Variants in ARL15 observed in about 807,000 individuals in gnomAD.
ARL15 encodes the protein ARF like GTPase 15.
Under a neutral mutation model 25.2 loss-of-function variants are expected in ARL15, and 19 were observed. The observed-to-expected ratio is 0.75, with a 90% CI of 0.53 to 1.10. The LOEUF is 1.10. Among genes scored for constraint, ARL15 ranks in the 50% least tolerant of loss-of-function variants. ARL15 has a pLI of 0.00. For missense variants in ARL15, 220 were observed against 246.0 expected, an observed-to-expected ratio of 0.89 and a Z score of 0.71; for synonymous variants, 94 against 86.8, an observed-to-expected ratio of 1.08 and a Z score of -0.46.
At chr5:54,068,323 C>T (rs900943189) in intron 4 of ARL15, among the ~76,000 whole-genome samples, 1 of 152,100 alleles carries the variant, frequency 6.6e-6, no homozygotes, top group African/African-American at 2.4e-5. Context: ...GCACCAGCAC[C>T]AAGGAACAGA....
At chr5:53,909,005 T>G (rs1471309345) in intron 4 of ARL15, among the ~76,000 whole-genome samples, 1 of 152,164 alleles carries the variant, frequency 6.6e-6, no homozygotes, top group South Asian at 2.1e-4. Flanking sequence ...AAAAGTTCCA[T>G]TCATAGGTGG....
intron 1 of ARL15, among the ~76,000 whole-genome samples, chr5:54,220,857 G>A (rs572845056): frequency 7.3e-4 from 111 of 152,094 alleles, no homozygotes; most frequent in African/African-American, 2.6e-3. Context: ...GGTGAGATCC[G>A]CAGTGCCGAC....
intron 4 of ARL15, among the ~76,000 whole-genome samples, chr5:53,986,542 A>G (rs535548829): frequency 6.6e-6 from 1 of 152,292 alleles, no homozygotes; most frequent in Admixed American, 6.5e-5. Context: ...AGGAATCTGC[A>G]TTTTATCAAA....
At position 53,910,633 on chromosome 5, in the gene ARL15, TTA is replaced by T. The variant is rs70986649; in HGVS notation, c.463-23922_463-23921del. 8.1e-3 allele frequency among the ~76,000 whole-genome samples: 448 copies of T among 54,986 alleles called. 12 individuals are homozygous for T. In the East Asian group the frequency reaches 0.12, roughly 14 times the overall value. The allele number at this position is 54,986 out of a possible 152,430, so 36.1% of individuals were successfully genotyped here. A position where few individuals can be genotyped will look rare whatever the true frequency, so the allele number is the denominator to read the frequency against. ...GAACTTAAAGTATAATAAAAAAAAA[TTA>T]TATATATATATATATATATATATAT... On this transcript the variant is annotated intron_variant, in intron 4 of 4. Transcript: ENST00000504924.
intron 4 of ARL15, among the ~76,000 whole-genome samples, chr5:53,927,142 T>C (rs1489684565): frequency 6.6e-6 from 1 of 152,178 alleles, no homozygotes; most frequent in Admixed American, 6.5e-5. Context: ...TAATCGTTAA[T>C]TTTCTAACTT....
chr5:54,062,676 T>C (rs1751106434), intron 4 of ARL15, among the ~76,000 whole-genome samples: 1 of 152,192 alleles, frequency 6.6e-6, no homozygotes, highest in South Asian at 2.1e-4. Context: ...TTCTTTCTTT[T>C]ATAAATTGCC....
At chr5:53,990,905 T>C (rs1040733877) in intron 4 of ARL15, among the ~76,000 whole-genome samples, 4 of 152,210 alleles carry the variant, frequency 2.6e-5, no homozygotes, top group African/African-American at 9.6e-5. Flanking sequence ...TATGTGCTAA[T>C]TATGTGCTTG....
chr5:54,175,727 A>T (rs959623461), intron 1 of ARL15, among the ~76,000 whole-genome samples: 1 of 149,256 alleles, frequency 6.7e-6, no homozygotes, highest in Non-Finnish European at 1.5e-5. Context: ...ATCTCCACTC[A>T]CTGCAACCTC....
intron 1 of ARL15, among the ~76,000 whole-genome samples, chr5:54,198,810 T>A (rs1217439372): frequency 6.6e-6 from 1 of 151,410 alleles, no homozygotes; most frequent in Non-Finnish European, 1.5e-5. Context: ...AAAGTTCATA[T>A]GGAACCAAAA....
intron 3 of ARL15, among the ~76,000 whole-genome samples, chr5:54,134,710 G>A (rs1240588725): frequency 8.1e-5 from 12 of 148,918 alleles, no homozygotes; most frequent in Non-Finnish European, 1.3e-4. Context: ...TCAGCCTCCA[G>A]AGTAGCTGGG....
At chr5:54,217,961 T>C (rs1239483047) in intron 1 of ARL15, among the ~76,000 whole-genome samples, 1 of 152,210 alleles carries the variant, frequency 6.6e-6, no homozygotes, top group Non-Finnish European at 1.5e-5. Context: ...CAAACATTGC[T>C]TAATGTAACT....
At chr5:54,269,085 G>T (rs1254269247) in intron 1 of ARL15, among the ~76,000 whole-genome samples, 5 of 151,990 alleles carry the variant, frequency 3.3e-5, no homozygotes, top group African/African-American at 1.2e-4. Context: ...GTAGGGGTGG[G>T]GGGTAGGGAT....
At chr5:54,123,373 T>C (rs1046757037) in intron 3 of ARL15, among the ~76,000 whole-genome samples, 8 of 152,150 alleles carry the variant, frequency 5.3e-5, no homozygotes, top group African/African-American at 1.9e-4. Context: ...CCTCCCAAAG[T>C]GCTGGGATTA....
chr5:54,084,023 G>A (rs1282296567), intron 4 of ARL15, among the ~76,000 whole-genome samples: 1 of 152,130 alleles, frequency 6.6e-6, no homozygotes. Context: ...CATAGCCAGG[G>A]TGCCATGGGA....
chr5:54,206,432 T>A (rs1241135156), intron 1 of ARL15, among the ~76,000 whole-genome samples: 1 of 152,150 alleles, frequency 6.6e-6, no homozygotes, highest in Admixed American at 6.6e-5. Context: ...TTAAATACTG[T>A]CAATGAGAAG....
intron 4 of ARL15, among the ~76,000 whole-genome samples, chr5:54,034,078 G>A (rs2111910965): frequency 6.6e-6 from 1 of 152,326 alleles, no homozygotes; most frequent in South Asian, 2.1e-4. Context: ...CTCCCAAAGT[G>A]CTGGGATTAC....
intron 1 of ARL15, among the ~76,000 whole-genome samples, chr5:54,283,198 T>C (rs1758101406): frequency 6.6e-6 from 1 of 152,216 alleles, no homozygotes; most frequent in Non-Finnish European, 1.5e-5. Context: ...CTTCCAGAGA[T>C]GCAGTCCTTG....
At chr5:54,029,915 T>G (rs1332313901) in intron 4 of ARL15, among the ~76,000 whole-genome samples, 1 of 151,864 alleles carries the variant, frequency 6.6e-6, no homozygotes, top group Non-Finnish European at 1.5e-5. Flanking sequence ...GAGAATTACG[T>G]GAACCTGGGA....
intron 4 of ARL15, among the ~76,000 whole-genome samples, chr5:54,056,236 G>A: frequency 6.6e-6 from 1 of 152,070 alleles, no homozygotes; most frequent in East Asian, 1.9e-4. Context: ...AATTTAATAA[G>A]TTATGTTTTT....
Sources: allele counts gnomAD v4.1 joint callset (sites outside exome capture counted in the v4.1 genomes callset), GRCh38; gene constraint gnomAD v4.1.1; transcripts MANE v1.5; gene names NCBI Gene and HGNC (gene_info 2026-07-23, HGNC 2026-07-21).